Variants in CCZ1B observed in about 807,000 individuals in gnomAD.
CCZ1B encodes the protein CCZ1B vacuolar protein trafficking and biogenesis associated, also known as vacuolar fusion protein CCZ1 homolog B.
CCZ1B carries 25 observed loss-of-function variants against 58.8 expected under a neutral mutation model. That is an observed-to-expected ratio of 0.43 (90% CI 0.31 to 0.59). The LOEUF (loss-of-function observed/expected upper bound fraction) is 0.59, where lower values mean the gene tolerates loss of function less well. Ranked by LOEUF, CCZ1B falls within the 20% of genes least tolerant of loss-of-function variation. The probability of loss-of-function intolerance (pLI) is 0.12; values close to 1 mark genes in which losing one functional copy is unlikely to be tolerated. For synonymous variants in CCZ1B, 66 were observed against 173.2 expected (o/e 0.38, Z 4.86); for missense variants, 180 against 501.5 (o/e 0.36, Z 6.12).
At chr7:6,817,006 C>T (rs1471995681) in intron 7 of CCZ1B, among the ~76,000 whole-genome samples, 4 of 152,294 alleles carry the variant, frequency 2.6e-5, no homozygotes, top group African/African-American at 7.2e-5. Flanking sequence ...TCAAGTGATC[C>T]TCCTGCCTCA....
At chr7:6,820,814 CTGAG>C (rs1454739192) in intron 6 of CCZ1B, among the ~76,000 whole-genome samples, 1 of 146,562 alleles carries the variant, frequency 6.8e-6, no homozygotes, top group East Asian at 2.0e-4. Flanking sequence ...ATTCAGGAGG[CTGAG>C]ACAGGAGAAT....
chr7:6,820,006 C>A, intron 6 of CCZ1B, 65 bp from the exon 7 acceptor site: 4 of 1,274,816 alleles, frequency 3.1e-6, no homozygotes, highest in Non-Finnish European at 3.3e-6. Context: ...TCCTTGATAA[C>A]TGAAAATAAT....
At chr7:6,807,686 AAATT>A (rs1173238925) in intron 10 of CCZ1B, among the ~76,000 whole-genome samples, 1 of 133,940 alleles carries the variant, frequency 7.5e-6, no homozygotes, top group African/African-American at 2.7e-5. Flanking sequence ...CAAATCAAAT[AAATT>A]AATTGAAGCT....
intron 7 of CCZ1B, among the ~76,000 whole-genome samples, chr7:6,818,663 C>CAAGAAAGAA (rs1473357187): frequency 1.3e-5 from 1 of 76,634 alleles, no homozygotes; most frequent in Non-Finnish European, 2.7e-5. Context: ...GAAAGAAAGA[C>CAAGAAAGAA]AGACAGAAAG....
At chr7:6,813,989 T>TAC (rs1782958536) in intron 8 of CCZ1B, among the ~76,000 whole-genome samples, 1 of 144,674 alleles carries the variant, frequency 6.9e-6, no homozygotes, top group Non-Finnish European at 1.5e-5. Flanking sequence ...CTACTAAAAA[T>TAC]ATAAAAATTA....
intron 7 of CCZ1B, among the ~76,000 whole-genome samples, chr7:6,815,496 G>A (rs1309071769): frequency 6.7e-5 from 10 of 148,354 alleles, no homozygotes; most frequent in African/African-American, 1.0e-4. Flanking sequence ...GATGAGTCTC[G>A]TCTGTCGCCC....
intron 8 of CCZ1B, among the ~76,000 whole-genome samples, chr7:6,813,846 C>A (rs1782955791): frequency 9.3e-6 from 1 of 107,642 alleles, no homozygotes; most frequent in Non-Finnish European, 1.8e-5. Context: ...AGAACCCAAC[C>A]TAAAATCCAA....
chr7:6,822,218 T>C lies in CCZ1B; in HGVS notation c.522+63A>G, dbSNP rs1188942729. The C allele has an allele frequency of 6.9e-5, 107 of 1,555,994 alleles. 2 individuals carry two copies. The South Asian group carries it at 8.0e-4, about 12-fold the overall frequency. On this transcript the variant is annotated intron_variant, in intron 6 of 14. Transcript: ENST00000316731. ...TAGATAAGAAACAAACTTGTCTGTCTATATTTCTCTAAAAACCTGATGAAT... is the reference window on the plus strand; with the variant it reads ...TAGATAAGAAACAAACTTGTCTGTCCATATTTCTCTAAAAACCTGATGAAT...
intron 6 of CCZ1B, among the ~76,000 whole-genome samples, chr7:6,821,621 C>T (rs1401359634): frequency 2.0e-5 from 3 of 151,380 alleles, no homozygotes; most frequent in Non-Finnish European, 4.4e-5. Context: ...GGCGAGTTGG[C>T]TCACGCCTTT....
At chr7:6,824,888 C>T (rs1252539825) in intron 1 of CCZ1B, 151 bp from the exon 2 acceptor site, 50 of 1,049,640 alleles carry the variant, frequency 4.8e-5, no homozygotes, top group Non-Finnish European at 6.5e-5. Flanking sequence ...AATTGTAATC[C>T]TAGTATTTTC....
intron 10 of CCZ1B, among the ~76,000 whole-genome samples, chr7:6,810,012 G>T (rs865948577): frequency 2.1e-3 from 305 of 144,258 alleles, no homozygotes; most frequent in Admixed American, 3.5e-3. Context: ...TGTTGAACGT[G>T]TTTTTTTTTT....
In CCZ1B at chr7:6,815,063, C is replaced by G. The variant is rs1290685912; in HGVS notation, c.699-218G>C. On this transcript the variant is annotated intron_variant, in intron 7 of 14. Coordinates refer to ENST00000316731, the MANE Select transcript of CCZ1B (RefSeq NM_198097.5). Reference sequence around the variant, plus strand: ...AGTTTCCTTTTTCCTAAACATAATTCTTAGCATTGAGGTAAATCTGAATTT... The same window carrying G: ...AGTTTCCTTTTTCCTAAACATAATTGTTAGCATTGAGGTAAATCTGAATTT... Among the ~76,000 whole-genome samples the G allele has an allele frequency of 3.4e-5, 5 of 148,754 alleles. No individual in the cohort carries two copies. The Admixed American group carries it at 3.4e-4, about 10-fold the overall frequency.
chr7:6,812,132 C>G (rs1782925964), intron 9 of CCZ1B, 69 bp from the exon 10 acceptor site: 34 of 1,024,762 alleles, frequency 3.3e-5, no homozygotes, highest in Non-Finnish European at 4.7e-5. Flanking sequence ...AGAAACAGAA[C>G]ACACTCCCAC....
At chr7:6,820,985 A>G (rs971162565) in intron 6 of CCZ1B, among the ~76,000 whole-genome samples, 1 of 148,638 alleles carries the variant, frequency 6.7e-6, no homozygotes, top group African/African-American at 2.5e-5. Flanking sequence ...TGAGGGATCT[A>G]TCCATTAATA....
Position 6,824,681 on chromosome 7 carries a change from A to G in CCZ1B, c.177T>C (p.Ile59=), listed in dbSNP as rs765914604. 8 of 1,607,628 alleles carry G rather than the reference A, an allele frequency of 5.0e-6. No homozygotes were observed. The East Asian group carries it at 1.8e-4, about 36-fold the overall frequency. Residue 59 remains isoleucine (I), a synonymous_variant, in exon 2 of 15, where the codon ATT becomes ATC. Coordinates refer to ENST00000316731, the MANE Select transcript of CCZ1B (RefSeq NM_198097.5). ...HPNEVEKNEK[I]RNVGLCEAIV... Reference sequence around the variant, plus strand: ...TAGCTTCACACAATCCGACATTTCTAATCTTCTCATTCTTTTCTACCTCAT... The same window carrying G: ...TAGCTTCACACAATCCGACATTTCTGATCTTCTCATTCTTTTCTACCTCAT...
chr7:6,814,443 A>G (rs1782966278), intron 8 of CCZ1B, among the ~76,000 whole-genome samples: 1 of 149,668 alleles, frequency 6.7e-6, no homozygotes, highest in Non-Finnish European at 1.5e-5. Context: ...GGCCGAGGCA[A>G]GGAGAATTGC....
In CCZ1B at chr7:6,813,206, C is replaced by G. The variant is rs568850066; in HGVS notation, c.781-169G>C. Among the ~76,000 whole-genome samples, 17 of 149,598 alleles carry G rather than the reference C, an allele frequency of 1.1e-4. No homozygotes were observed. The South Asian group carries it at 2.9e-3, about 26-fold the overall frequency. Reference sequence around the variant, plus strand: ...TGGAATGCATGCAGCATGATCATGGCTCACTATAGCCTTGAACTCCTAGGC... The same window carrying G: ...TGGAATGCATGCAGCATGATCATGGGTCACTATAGCCTTGAACTCCTAGGC... On this transcript the variant is annotated intron_variant, in intron 8 of 14. Coordinates refer to ENST00000316731, the MANE Select transcript of CCZ1B (RefSeq NM_198097.5).
chr7:6,818,216 T>TA (rs1453475930), intron 7 of CCZ1B, among the ~76,000 whole-genome samples: 1 of 149,726 alleles, frequency 6.7e-6, no homozygotes, highest in Non-Finnish European at 1.5e-5. Context: ...TAGCTGAACT[T>TA]ACCTTATAGT....
rs1783089843 is a variant in CCZ1B at position 6,820,418 on chromosome 7, C to T, written c.523-477G>A. Among the ~76,000 whole-genome samples the T allele has an allele frequency of 1.3e-5, 2 of 149,078 alleles. 1 individual carries two copies. The highest frequency in any genetic ancestry group is 3.0e-5 in the Non-Finnish European group (2 of 67,514). ...TGGTCTCAATCTCCTGACTCGTGAT[C>T]TGCCTGCCTCAGCCTCCCAAAGTGC... On this transcript the variant is annotated intron_variant, in intron 6 of 14. Transcript: ENST00000316731.
Sources: allele counts gnomAD v4.1 joint callset (sites outside exome capture counted in the v4.1 genomes callset), GRCh38; gene constraint gnomAD v4.1.1; transcripts MANE v1.5; gene names NCBI Gene and HGNC (gene_info 2026-07-23, HGNC 2026-07-21).